SIK3: variants seen among roughly 807,000 people sequenced by gnomAD.
SIK3 encodes the protein serine/threonine-protein kinase SIK3.
Under a neutral mutation model 144.2 loss-of-function variants are expected in SIK3, and 28 were observed. The ratio of observed to expected loss-of-function variants is 0.19; its 90% CI spans 0.14 to 0.27. The LOEUF is 0.27. Among genes scored for constraint, SIK3 ranks in the 10% least tolerant of loss-of-function variants. SIK3 has a pLI of 1.00. For missense variants in SIK3, 1,319 were observed against 1,776.0 expected (o/e 0.74, Z 4.62); for synonymous variants, 686 against 676.3 (o/e 1.01, Z -0.22).
chr11:116,849,218 T>C lies in SIK3; in HGVS notation c.3721A>G (p.Asn1241Asp), dbSNP rs1004614644. The change falls in exon 22 of 25, where the codon AAT becomes GAT. Residue 1241 changes from asparagine to aspartate, a missense_variant. Coordinates refer to ENST00000445177, the MANE Select transcript of SIK3 (RefSeq NM_001366686.3). This position sits in a 1 kb window ranked among gnomAD's most constrained non-coding sequence, Gnocchi z 4.2. ...GGGCGTGCTGGGTACCCGAGCCCATTGTGATCCGGCAGCTCCACTGCTTGT... is the reference window on the plus strand; with the variant it reads ...GGGCGTGCTGGGTACCCGAGCCCATCGTGATCCGGCAGCTCCACTGCTTGT... Reference protein sequence around the residue: ...PGQAVELPDHNGLGYPARPSV... With the variant: ...PGQAVELPDHDGLGYPARPSV... The C allele has an allele frequency of 6.2e-6, 10 of 1,614,156 alleles. No individual in the cohort carries two copies. The highest frequency in any genetic ancestry group is 8.5e-6 in the Non-Finnish European group (10 of 1,180,016).
chr11:116,893,303 G>A (rs183480931), intron 6 of SIK3, among the ~76,000 whole-genome samples: 11 of 151,852 alleles, frequency 7.2e-5, no homozygotes, highest in African/African-American at 2.4e-4. Context: ...AGGGGAGGGA[G>A]GCAGGACAGC....
chr11:116,891,847 A>G (rs1471978487), intron 6 of SIK3, among the ~76,000 whole-genome samples: 2 of 152,160 alleles, frequency 1.3e-5, no homozygotes, highest in African/African-American at 4.8e-5. Flanking sequence ...AGGGAAGATG[A>G]TAGTATGGTC....
At chr11:116,979,881 A>T (rs920455842) in intron 1 of SIK3, among the ~76,000 whole-genome samples, 1 of 152,108 alleles carries the variant, frequency 6.6e-6, no homozygotes, top group Non-Finnish European at 1.5e-5. Context: ...GAGAGAGAGC[A>T]TAAGGCATAA....
At chr11:117,060,466 G>A (rs1409746937) in intron 1 of SIK3, among the ~76,000 whole-genome samples, 5 of 151,900 alleles carry the variant, frequency 3.3e-5, no homozygotes, top group Non-Finnish European at 7.4e-5. Flanking sequence ...GCGTGGTGGC[G>A]CATGCCTGTA....
chr11:116,887,858 A>T (rs1479000379), intron 6 of SIK3, among the ~76,000 whole-genome samples: 1 of 152,170 alleles, frequency 6.6e-6, no homozygotes, highest in Admixed American at 6.5e-5. Context: ...CCTCAAATAA[A>T]TCCTCTTTTA....
At chr11:116,956,871 C>T in intron 2 of SIK3, 77 bp downstream of exon 2, 1 of 820,550 alleles carries the variant, frequency 1.2e-6, no homozygotes, top group Non-Finnish European at 1.8e-6. Context: ...TTCACCCACC[C>T]ACATTTCTTC....
intron 4 of SIK3, among the ~76,000 whole-genome samples, chr11:116,920,477 G>A (rs1462390538): frequency 2.0e-5 from 3 of 152,016 alleles, no homozygotes; most frequent in Non-Finnish European, 2.9e-5. Context: ...CATGTTACTC[G>A]AGTTTATCTT....
chr11:117,043,129 C>G (rs926777216), intron 1 of SIK3, among the ~76,000 whole-genome samples: 14 of 152,150 alleles, frequency 9.2e-5, no homozygotes, highest in African/African-American at 3.4e-4. Context: ...GCTTCTCTAA[C>G]CTGTGAAGTT....
chr11:117,090,019 C>T lies in SIK3; in HGVS notation c.273+8124G>A, dbSNP rs146833909. On this transcript the variant is annotated intron_variant, in intron 1 of 24. Coordinates refer to ENST00000445177, the MANE Select transcript of SIK3 (RefSeq NM_001366686.3). ...TTACTGATGGCTCATCCAACAGTTCCGTACTCGCTTCCGCAATTCTATTCT... is the reference window on the plus strand; with the variant it reads ...TTACTGATGGCTCATCCAACAGTTCTGTACTCGCTTCCGCAATTCTATTCT... Among the ~76,000 whole-genome samples, 16 of 152,360 alleles carry T rather than the reference C, an allele frequency of 1.1e-4. No individual in the cohort carries two copies. The East Asian group carries it at 2.5e-3, about 24-fold the overall frequency.
intron 1 of SIK3, among the ~76,000 whole-genome samples, chr11:117,023,621 A>AATATATATATATATATATATATAT (rs1555131639): frequency 3.9e-4 from 37 of 95,280 alleles, no homozygotes; most frequent in Non-Finnish European, 5.7e-4. Flanking sequence ...AAAAAAAAAA[A>AATATATATATATATATATATATAT]ATATATATAT....
chr11:116,891,705 T>G (rs1371747682), intron 6 of SIK3, among the ~76,000 whole-genome samples: 1 of 152,166 alleles, frequency 6.6e-6, no homozygotes, highest in Non-Finnish European at 1.5e-5. Flanking sequence ...TATGTGTGTG[T>G]GTGGTATGTT....
At chr11:117,056,027 T>G (rs1437736299) in intron 1 of SIK3, among the ~76,000 whole-genome samples, 3 of 152,122 alleles carry the variant, frequency 2.0e-5, no homozygotes, top group African/African-American at 7.2e-5. Flanking sequence ...ACAAAAGAAC[T>G]GACAGCAACC....
Position 116,849,563 on chromosome 11 carries a change from A to C in SIK3, c.3656-280T>G, listed in dbSNP as rs575911361. Among the ~76,000 whole-genome samples the C allele has an allele frequency of 6.6e-6, 1 of 152,218 alleles. No homozygotes were observed. The highest frequency in any genetic ancestry group is 1.9e-4 in the East Asian group (1 of 5,172). On this transcript the variant is annotated intron_variant, in intron 21 of 24. Coordinates refer to ENST00000445177, the MANE Select transcript of SIK3 (RefSeq NM_001366686.3). The surrounding 1 kb of genome is among the most constrained non-coding windows in gnomAD (Gnocchi z 4.2). Reference sequence around the variant, plus strand: ...TTCTCTTCTTTCATTTCTCTGTTGAATTAACAGTGATCTATTCCCAAACCT... The same window carrying C: ...TTCTCTTCTTTCATTTCTCTGTTGACTTAACAGTGATCTATTCCCAAACCT...
At chr11:117,014,577 A>T (rs1951440733) in intron 1 of SIK3, among the ~76,000 whole-genome samples, 1 of 148,418 alleles carries the variant, frequency 6.7e-6, no homozygotes. Context: ...CAAGTACAAT[A>T]AAAAAAAGGG....
chr11:116,918,378 CTT>C (rs141594094), intron 4 of SIK3, among the ~76,000 whole-genome samples: 1 of 151,704 alleles, frequency 6.6e-6, no homozygotes, highest in Non-Finnish European at 1.5e-5. Flanking sequence ...TTCTCCTACA[CTT>C]TTTTTTCCAC....
intron 20 of SIK3, 125 bp downstream of exon 20, chr11:116,859,140 C>T (rs747377227): frequency 2.6e-4 from 227 of 873,554 alleles, no homozygotes; most frequent in Middle Eastern, 1.3e-3. Flanking sequence ...TTTTAGAAAG[C>T]GTGAAACAAG....
intron 1 of SIK3, among the ~76,000 whole-genome samples, chr11:117,062,074 C>T (rs577588904): frequency 1.3e-5 from 2 of 151,856 alleles, no homozygotes; most frequent in Admixed American, 1.3e-4. Flanking sequence ...CCTGTAATCC[C>T]AGCACTTTGG....
intron 3 of SIK3, among the ~76,000 whole-genome samples, chr11:116,941,031 G>A (rs1478923975): frequency 6.6e-6 from 1 of 151,962 alleles, no homozygotes; most frequent in Admixed American, 6.6e-5. Context: ...TTTTGAGACG[G>A]AGCCTCGCTC....
intron 1 of SIK3, among the ~76,000 whole-genome samples, chr11:116,965,073 A>T (rs931207845): frequency 6.6e-6 from 1 of 152,170 alleles, no homozygotes; most frequent in African/African-American, 2.4e-5. Flanking sequence ...GGAAAATGGT[A>T]TACTGTGCAA....
Sources: gnomAD v4.1 joint callset for allele counts (sites outside exome capture counted in the v4.1 genomes callset) on GRCh38, gnomAD v4.1.1 for gene constraint, Gnocchi (gnomAD v3.1) non-coding constraint, MANE v1.5 for transcripts, NCBI Gene and HGNC (gene_info 2026-07-23, HGNC 2026-07-21) for gene names.